Variants in CALN1 observed in about 807,000 individuals in gnomAD.
CALN1 encodes the protein calneuron 1, also known as calcium-binding protein 8.
In CALN1, 17 loss-of-function variants were observed where a neutral mutation model predicts 30.6. The ratio of observed to expected loss-of-function variants is 0.56; its 90% CI spans 0.38 to 0.83. The LOEUF (loss-of-function observed/expected upper bound fraction) is 0.83, where lower values mean the gene tolerates loss of function less well. Among genes scored for constraint, CALN1 ranks in the 40% least tolerant of loss-of-function variants. CALN1 has a pLI of 0.00. For synonymous variants in CALN1, 156 were observed against 131.4 expected, an observed-to-expected ratio of 1.19 and a Z score of -1.28; for missense variants, 291 against 354.9, an observed-to-expected ratio of 0.82 and a Z score of 1.45.
chr7:72,035,461 A>G (rs1801739443), intron 4 of CALN1, among the ~76,000 whole-genome samples: 1 of 152,192 alleles, frequency 6.6e-6, no homozygotes, highest in African/African-American at 2.4e-5. Flanking sequence ...TTAGACTAAT[A>G]AGGAGGAACT....
intron 5 of CALN1, among the ~76,000 whole-genome samples, chr7:71,861,192 CGTGTGTGTGT>C (rs778774490): frequency 6.7e-6 from 1 of 148,556 alleles, no homozygotes; most frequent in Non-Finnish European, 1.5e-5. Context: ...TGTGTGTGTG[CGTGTGTGTGT>C]GTTACGCTTA....
At chr7:71,901,968 A>G (rs1235301329) in intron 5 of CALN1, among the ~76,000 whole-genome samples, 2 of 152,208 alleles carry the variant, frequency 1.3e-5, no homozygotes, top group Admixed American at 6.5e-5. Flanking sequence ...GAAATAATTA[A>G]CAGAGTGAAC....
At chr7:71,798,241 G>A (rs551255003) in intron 6 of CALN1, among the ~76,000 whole-genome samples, 1 of 151,960 alleles carries the variant, frequency 6.6e-6, no homozygotes, top group Admixed American at 6.6e-5. Context: ...CCCATTATTT[G>A]AGCCAGTGCT....
chr7:72,156,752 T>A (rs913489820), intron 3 of CALN1, among the ~76,000 whole-genome samples: 8 of 152,182 alleles, frequency 5.3e-5, no homozygotes, highest in Non-Finnish European at 1.0e-4. Flanking sequence ...GGGATGCACC[T>A]CCCGTGGTGG....
At chr7:72,480,984 G>A in the CALN1 span, among the ~76,000 whole-genome samples, 811 of 152,030 alleles carry the variant, frequency 5.3e-3, 8 homozygotes, top group African/African-American at 0.018. Flanking sequence ...TGAGACTCTC[G>A]CTCTGTTGCC....
intron 5 of CALN1, among the ~76,000 whole-genome samples, chr7:71,999,046 T>C (rs1415172862): frequency 6.6e-6 from 1 of 152,080 alleles, no homozygotes; most frequent in Admixed American, 6.5e-5. Context: ...AAAAAACAGA[T>C]TGGCAAAGTG....
chr7:72,284,950 G>C (rs1275628902), intron 2 of CALN1, among the ~76,000 whole-genome samples: 2 of 151,964 alleles, frequency 1.3e-5, no homozygotes, highest in African/African-American at 4.8e-5. Flanking sequence ...TTCCTCTACA[G>C]TACCAAGGAC....
At chr7:72,460,897 T>C in the CALN1 span, among the ~76,000 whole-genome samples, 2 of 152,146 alleles carry the variant, frequency 1.3e-5, no homozygotes, top group African/African-American at 4.8e-5. Flanking sequence ...AGCTTTTCCT[T>C]CTTGAATCAC....
At chr7:71,815,413 G>T (rs1481827623) in intron 5 of CALN1, among the ~76,000 whole-genome samples, 3 of 152,134 alleles carry the variant, frequency 2.0e-5, no homozygotes, top group African/African-American at 7.2e-5. Context: ...AAGCCATTGT[G>T]TTTTCTGCCA....
chr7:72,124,420 CTT>C (rs1808600086), intron 3 of CALN1, among the ~76,000 whole-genome samples: 1 of 152,044 alleles, frequency 6.6e-6, no homozygotes, highest in African/African-American at 2.4e-5. Flanking sequence ...GGGAGAATCA[CTT>C]TGAGGCCAGG....
chr7:72,085,982 A>G (rs117629430), intron 4 of CALN1, among the ~76,000 whole-genome samples: 1 of 152,166 alleles, frequency 6.6e-6, no homozygotes, highest in Non-Finnish European at 1.5e-5. Context: ...TATAAGGAAA[A>G]TCATCTGAAA....
chr7:72,283,650 G>A (rs1477715095), intron 2 of CALN1, among the ~76,000 whole-genome samples: 1 of 152,218 alleles, frequency 6.6e-6, no homozygotes, highest in African/African-American at 2.4e-5. Flanking sequence ...GCAACAAGAA[G>A]TCATGGATGA....
chr7:72,004,681 T>C (rs868002429), intron 5 of CALN1, among the ~76,000 whole-genome samples: 5 of 147,116 alleles, frequency 3.4e-5, no homozygotes, highest in Non-Finnish European at 6.0e-5. Context: ...TTCTCAAAAC[T>C]CAAGAACAAA....
At chr7:72,141,976 A>ATTT (rs1375690600) in intron 3 of CALN1, among the ~76,000 whole-genome samples, 1 of 152,210 alleles carries the variant, frequency 6.6e-6, no homozygotes, top group Non-Finnish European at 1.5e-5. Context: ...TCAGGTTGAA[A>ATTT]TATGATCTGC....
chr7:72,270,081 T>C (rs976153742), intron 3 of CALN1, among the ~76,000 whole-genome samples: 1 of 151,864 alleles, frequency 6.6e-6, no homozygotes, highest in Non-Finnish European at 1.5e-5. Flanking sequence ...TGAAAAAAAT[T>C]TGGGTGTTTC....
At chr7:72,107,176 T>C (rs1159236885) in intron 3 of CALN1, among the ~76,000 whole-genome samples, 1 of 152,030 alleles carries the variant, frequency 6.6e-6, no homozygotes, top group Non-Finnish European at 1.5e-5. Flanking sequence ...GAGGATTTGG[T>C]TTCAGCTGTG....
the CALN1 span, among the ~76,000 whole-genome samples, chr7:72,493,796 A>C: frequency 6.6e-6 from 1 of 152,210 alleles, no homozygotes; most frequent in African/African-American, 2.4e-5. Context: ...GTTATTGCTG[A>C]GATAAGGTCA....
At chr7:72,261,427 C>T (rs75879725) in intron 3 of CALN1, among the ~76,000 whole-genome samples, 3 of 149,082 alleles carry the variant, frequency 2.0e-5, no homozygotes, top group South Asian at 2.1e-4. Context: ...ATTTCAGAAG[C>T]TTTTTTTTTT....
chr7:71,945,201 C>T (rs1410343450), intron 5 of CALN1, among the ~76,000 whole-genome samples: 1 of 152,128 alleles, frequency 6.6e-6, no homozygotes, highest in African/African-American at 2.4e-5. Context: ...TAAAAGCTTC[C>T]CAAGGCCTCA....
Sources: allele counts gnomAD v4.1 joint callset (sites outside exome capture counted in the v4.1 genomes callset), GRCh38; gene constraint gnomAD v4.1.1; transcripts MANE v1.5; gene names NCBI Gene and HGNC (gene_info 2026-07-23, HGNC 2026-07-21).